Variants in HDAC8 observed in about 807,000 individuals in gnomAD.
HDAC8 encodes the protein histone deacetylase 8.
A neutral mutation model predicts 32.2 loss-of-function variants in HDAC8; 1 was observed. That is an observed-to-expected ratio of 0.03 (90% CI 0.01 to 0.15). HDAC8 has a LOEUF of 0.15. HDAC8 is among the 10% of genes least tolerant of loss of function. The pLI is 1.00. For synonymous variants in HDAC8, 108 were observed against 113.9 expected (o/e 0.95, Z 0.33); for missense variants, 117 against 300.0 (o/e 0.39, Z 4.51).
At chrX:72,383,918 G>C (rs782578526) in intron 9 of HDAC8, among the ~76,000 whole-genome samples, 1 of 108,115 alleles carries the variant, frequency 9.2e-6, no homozygotes, top group Admixed American at 9.9e-5. Context: ...CTTTGTCTCA[G>C]TGTAGATAAA....
intron 9 of HDAC8, among the ~76,000 whole-genome samples, chrX:72,356,189 C>T (rs1555950723): frequency 9.0e-6 from 1 of 111,704 alleles, no homozygotes; most frequent in African/African-American, 3.3e-5. Flanking sequence ...TTTGAACTCA[C>T]GTCATTCTGA....
intron 9 of HDAC8, among the ~76,000 whole-genome samples, chrX:72,427,505 CCAAACACCGCATGTTCTCACT>C (rs1427112508): frequency 1.9e-5 from 2 of 105,906 alleles, no homozygotes; most frequent in African/African-American, 6.9e-5. Context: ...GGACATAAAA[CCAAACACCGCATGTTCTCACT>C]CATAGGTGGG....
At chrX:72,345,681 A>G (rs2044006814) in intron 10 of HDAC8, among the ~76,000 whole-genome samples, 1 of 111,189 alleles carries the variant, frequency 9.0e-6, no homozygotes, top group African/African-American at 3.3e-5. Context: ...TTTTAGGATT[A>G]AAAAAAATTT....
At chrX:72,359,357 GA>G (rs1248495329) in intron 9 of HDAC8, among the ~76,000 whole-genome samples, 1 of 110,966 alleles carries the variant, frequency 9.0e-6, no homozygotes, top group Non-Finnish European at 1.9e-5. Flanking sequence ...CTGAATGAAT[GA>G]AATAAAATGA....
intron 10 of HDAC8, among the ~76,000 whole-genome samples, chrX:72,332,553 C>T (rs2043553074): frequency 9.1e-6 from 1 of 109,503 alleles, no homozygotes; most frequent in East Asian, 2.8e-4. Context: ...TTCATGTGCT[C>T]ATTTGCTGAC....
chrX:72,514,677 C>T (rs2049724651), intron 4 of HDAC8, among the ~76,000 whole-genome samples: 1 of 111,453 alleles, frequency 9.0e-6, no homozygotes. Flanking sequence ...ACTGTTGAGG[C>T]ACCTCTAAGA....
intron 4 of HDAC8, among the ~76,000 whole-genome samples, chrX:72,564,136 G>A (rs191863215): frequency 1.6e-4 from 18 of 112,004 alleles, no homozygotes; most frequent in Non-Finnish European, 3.4e-4. Flanking sequence ...CTCCAGCCTG[G>A]ATGACAGAGC....
At chrX:72,406,220 G>A (rs1222589472) in intron 9 of HDAC8, among the ~76,000 whole-genome samples, 1 of 111,297 alleles carries the variant, frequency 9.0e-6, no homozygotes, top group Non-Finnish European at 1.9e-5. Flanking sequence ...ACACAACTAG[G>A]TCTACTTTAT....
chrX:72,483,157 T>C (rs1279345358), intron 7 of HDAC8, among the ~76,000 whole-genome samples: 2 of 112,179 alleles, frequency 1.8e-5, no homozygotes, highest in Non-Finnish European at 3.8e-5. Context: ...CAATAAACTA[T>C]GTAGCTTGGT....
intron 4 of HDAC8, among the ~76,000 whole-genome samples, chrX:72,516,826 A>G (rs1439918806): frequency 1.8e-5 from 2 of 112,215 alleles, no homozygotes; most frequent in Admixed American, 9.5e-5. Flanking sequence ...TAAAATCCAA[A>G]GCCCCATGGT....
At chrX:72,429,868 C>T (rs2046763260) in intron 9 of HDAC8, among the ~76,000 whole-genome samples, 1 of 111,970 alleles carries the variant, frequency 8.9e-6, no homozygotes, top group Non-Finnish European at 1.9e-5. Context: ...CAGTTGCCTG[C>T]TGCTGCAGCA....
intron 9 of HDAC8, among the ~76,000 whole-genome samples, chrX:72,374,664 C>T (rs1426152934): frequency 4.6e-5 from 5 of 109,413 alleles, no homozygotes; most frequent in African/African-American, 1.7e-4. Flanking sequence ...GGGAGTGAAA[C>T]CCTGTCTCAA....
At chrX:72,571,553 C>CTTTTTTTTTTTT (rs782331910) in intron 2 of HDAC8, among the ~76,000 whole-genome samples, 38 of 30,442 alleles carry the variant, frequency 1.2e-3, no homozygotes, top group Admixed American at 3.4e-3. Flanking sequence ...TTCTTTCTTT[C>CTTTTTTTTTTTT]TTTTTTTTTT....
At chrX:72,483,449 T>C (rs782542669) in intron 7 of HDAC8, among the ~76,000 whole-genome samples, 2 of 111,462 alleles carry the variant, frequency 1.8e-5, no homozygotes, top group African/African-American at 3.3e-5. Context: ...TTGTGTGATA[T>C]GCTGACTCCC....
intron 9 of HDAC8, among the ~76,000 whole-genome samples, chrX:72,355,738 G>C (rs988864677): frequency 3.6e-5 from 4 of 111,940 alleles, no homozygotes; most frequent in Non-Finnish European, 5.6e-5. Context: ...CAATTAGATA[G>C]TTGGTCAAAA....
At chrX:72,475,822 CCAACCAACCAAA>C (rs1194684060) in intron 7 of HDAC8, among the ~76,000 whole-genome samples, 1 of 111,479 alleles carries the variant, frequency 9.0e-6, no homozygotes, top group Non-Finnish European at 1.9e-5. Context: ...CCCAAACCAA[CCAACCAACCAAA>C]CAACCAACCA....
At chrX:72,352,169 C>T (rs1463052430) in intron 9 of HDAC8, among the ~76,000 whole-genome samples, 3 of 111,638 alleles carry the variant, frequency 2.7e-5, no homozygotes, top group Non-Finnish European at 3.8e-5. Context: ...CAAATCACAC[C>T]GTGCTTTCTC....
intron 9 of HDAC8, among the ~76,000 whole-genome samples, chrX:72,401,122 A>G (rs2045889739): frequency 8.9e-6 from 1 of 112,125 alleles, no homozygotes; most frequent in South Asian, 3.7e-4. Context: ...TCATAAGGTA[A>G]CTCTATGTTC....
chrX:72,526,962 T>A (rs1202829242), intron 4 of HDAC8, among the ~76,000 whole-genome samples: 1 of 111,503 alleles, frequency 9.0e-6, no homozygotes, highest in Non-Finnish European at 1.9e-5. Flanking sequence ...CTGGATTTCA[T>A]CCTCCACACT....
Sources: gnomAD v4.1 joint callset for allele counts (sites outside exome capture counted in the v4.1 genomes callset) on GRCh38, gnomAD v4.1.1 for gene constraint, MANE v1.5 for transcripts, NCBI Gene and HGNC (gene_info 2026-07-23, HGNC 2026-07-21) for gene names.